DLC1: variants seen among roughly 807,000 people sequenced by gnomAD.
DLC1 encodes DLC1 Rho GTPase activating protein, also known as rho GTPase-activating protein 7.
DLC1 carries 54 observed loss-of-function variants against 140.3 expected under a neutral mutation model. The ratio of observed to expected loss-of-function variants is 0.38; its 90% CI spans 0.31 to 0.48. The LOEUF (loss-of-function observed/expected upper bound fraction) is 0.48. Among genes scored for constraint, DLC1 ranks in the 20% least tolerant of loss-of-function variants. The pLI is 0.96. For missense variants in DLC1, 2,536 were observed against 1,907.0 expected, an observed-to-expected ratio of 1.33 and a Z score of -6.14; for synonymous variants, 986 against 728.1, an observed-to-expected ratio of 1.35 and a Z score of -5.70.
chr8:13,088,187 C>A (rs562697287), intron 16 of DLC1, among the ~76,000 whole-genome samples: 2 of 151,848 alleles, frequency 1.3e-5, no homozygotes, highest in African/African-American at 4.8e-5. Context: ...TCAAGGGATC[C>A]TCCTGCCTCG....
chr8:13,469,489 AG>A (rs2117062357), intron 2 of DLC1, among the ~76,000 whole-genome samples: 1 of 152,264 alleles, frequency 6.6e-6, no homozygotes, highest in African/African-American at 2.4e-5. Context: ...AATTTGTACC[AG>A]TTTCTACATT....
intron 5 of DLC1, among the ~76,000 whole-genome samples, chr8:13,271,576 T>G (rs966619269): frequency 6.6e-6 from 1 of 152,248 alleles, no homozygotes; most frequent in Non-Finnish European, 1.5e-5. Flanking sequence ...CTTGAAGAAT[T>G]TATTTTATGT....
At chr8:13,092,551 A>C in intron 13 of DLC1, 61 bp downstream of exon 13, 6 of 1,550,084 alleles carry the variant, frequency 3.9e-6, no homozygotes, top group Non-Finnish European at 5.3e-6. Context: ...ACAGCTACGG[A>C]GAGTCCTAGG....
At chr8:13,297,873 T>TTTG (rs1554491964) in intron 5 of DLC1, among the ~76,000 whole-genome samples, 4 of 151,788 alleles carry the variant, frequency 2.6e-5, no homozygotes, top group Non-Finnish European at 4.4e-5. Flanking sequence ...TTAGTTTTTT[T>TTTG]TTGTTGTTGT....
chr8:13,367,223 C>A (rs574441826), intron 4 of DLC1, among the ~76,000 whole-genome samples: 1 of 152,148 alleles, frequency 6.6e-6, no homozygotes, highest in African/African-American at 2.4e-5. Context: ...AAGGCTAGAT[C>A]TGATCAGTTT....
At chr8:13,161,380 C>T (rs1305971614) in intron 5 of DLC1, among the ~76,000 whole-genome samples, 1 of 152,068 alleles carries the variant, frequency 6.6e-6, no homozygotes, top group Non-Finnish European at 1.5e-5. Flanking sequence ...CTCTGTTGCT[C>T]AGGCTGAGTG....
intron 5 of DLC1, among the ~76,000 whole-genome samples, chr8:13,160,903 A>C (rs1334815395): frequency 2.0e-5 from 3 of 152,048 alleles, no homozygotes; most frequent in Non-Finnish European, 4.4e-5. Context: ...ATGGCGGTGA[A>C]ACCCCGTCTC....
At chr8:13,551,215 C>A (rs974222060) in intron 1 of DLC1, among the ~76,000 whole-genome samples, 2 of 151,686 alleles carry the variant, frequency 1.3e-5, no homozygotes, top group Non-Finnish European at 2.9e-5. Context: ...ACAGAAAAGT[C>A]AGTTGTAGTC....
At chr8:13,242,270 A>G (rs1829573787) in intron 5 of DLC1, among the ~76,000 whole-genome samples, 1 of 152,164 alleles carries the variant, frequency 6.6e-6, no homozygotes, top group African/African-American at 2.4e-5. Flanking sequence ...GAAGGTTGAT[A>G]GGAGGAGTCT....
intron 5 of DLC1, among the ~76,000 whole-genome samples, chr8:13,122,826 C>T (rs961688520): frequency 1.4e-5 from 2 of 146,200 alleles, no homozygotes; most frequent in Non-Finnish European, 3.0e-5. Flanking sequence ...AAACAAGAAG[C>T]TTCTGGGAGA....
intron 4 of DLC1, among the ~76,000 whole-genome samples, chr8:13,327,970 A>G (rs1833440074): frequency 6.6e-6 from 1 of 152,218 alleles, no homozygotes; most frequent in Non-Finnish European, 1.5e-5. Context: ...CAGACTGGGA[A>G]CTACATGTGC....
chr8:13,219,414 A>ATAATTATACTTATATAATTCATC (rs1828432557), intron 5 of DLC1, among the ~76,000 whole-genome samples: 1 of 146,834 alleles, frequency 6.8e-6, no homozygotes, highest in Non-Finnish European at 1.5e-5. Context: ...TATAATTCAT[A>ATAATTATACTTATATAATTCATC]TAATTATACT....
At chr8:13,267,758 GT>G (rs1830750582) in intron 5 of DLC1, among the ~76,000 whole-genome samples, 1 of 151,668 alleles carries the variant, frequency 6.6e-6, no homozygotes, top group Admixed American at 6.6e-5. Flanking sequence ...GTGTGTGTGT[GT>G]GTGTGTGTGT....
At chr8:13,107,066 C>G (rs991627943) in intron 7 of DLC1, among the ~76,000 whole-genome samples, 2 of 152,154 alleles carry the variant, frequency 1.3e-5, no homozygotes, top group Admixed American at 6.5e-5. Context: ...GTAAAGCTAG[C>G]AAGATCAGGC....
At chr8:13,211,433 C>T (rs1252803661) in intron 5 of DLC1, among the ~76,000 whole-genome samples, 1 of 152,150 alleles carries the variant, frequency 6.6e-6, no homozygotes. Context: ...CTCTAATGAA[C>T]TTGCTTTCTT....
intron 4 of DLC1, among the ~76,000 whole-genome samples, chr8:13,333,657 C>T (rs766968903): frequency 2.0e-5 from 3 of 152,252 alleles, no homozygotes; most frequent in South Asian, 2.1e-4. Context: ...TGTTCTCACC[C>T]GCCCCCTTAT....
At position 13,339,187 on chromosome 8, in the gene DLC1, A is replaced by G. The variant is rs192971067; in HGVS notation, c.1315-33885T>C. Among the ~76,000 whole-genome samples the G allele has an allele frequency of 1.3e-3, 198 of 152,338 alleles. 1 individual carries two copies. Among genetic ancestry groups the G allele is most frequent in the Admixed American group, 5.9e-3 (90 of 15,302 alleles). On this transcript the variant is annotated intron_variant, in intron 4 of 17. Coordinates refer to ENST00000276297, the MANE Select transcript of DLC1 (RefSeq NM_182643.3). The stretch of plus-strand genomic sequence containing the variant: ...ATCAGTTGCCATGAGATTAAAAGAC[A>G]TTGAAATGATGCACGTAAGAAAAAA...
intron 6 of DLC1, among the ~76,000 whole-genome samples, chr8:13,112,976 T>A (rs1820241531): frequency 6.6e-6 from 1 of 152,202 alleles, no homozygotes; most frequent in South Asian, 2.1e-4. Context: ...CTATTACCTA[T>A]ATGTGAGAAA....
chr8:13,381,594 C>A (rs183965034), intron 4 of DLC1, among the ~76,000 whole-genome samples: 2 of 152,144 alleles, frequency 1.3e-5, no homozygotes, highest in Non-Finnish European at 2.9e-5. Context: ...GCTTCTATGA[C>A]GTAAGAACAT....
Sources: allele counts gnomAD v4.1 joint callset (sites outside exome capture counted in the v4.1 genomes callset), GRCh38; gene constraint gnomAD v4.1.1; transcripts MANE v1.5; gene names NCBI Gene and HGNC (gene_info 2026-07-23, HGNC 2026-07-21).